XPC: variants seen among roughly 807,000 people sequenced by gnomAD.
XPC encodes XPC complex subunit, DNA damage recognition and repair factor, also known as DNA repair protein complementing XP-C cells.
XPC carries 76 observed loss-of-function variants against 95.8 expected under a neutral mutation model. The observed-to-expected ratio is 0.79, with a 90% CI of 0.66 to 0.96. XPC has a LOEUF of 0.96. XPC is among the 40% of genes least tolerant of loss of function. The probability of loss-of-function intolerance (pLI) is 0.00; values close to 1 mark genes in which losing one functional copy is unlikely to be tolerated. For synonymous variants in XPC, 442 were observed against 442.1 expected (o/e 1.00, Z 0.00); for missense variants, 1,146 against 1,179.8 (o/e 0.97, Z 0.42).
chr3:14,169,554 G>C (rs1696528351), intron 3 of XPC, among the ~76,000 whole-genome samples: 1 of 152,172 alleles, frequency 6.6e-6, no homozygotes, highest in Non-Finnish European at 1.5e-5. Context: ...TACAAGGCTT[G>C]GTTGGATCTT....
intron 13 of XPC, 75 bp from the exon 14 acceptor site, chr3:14,148,076 A>G: frequency 7.5e-7 from 1 of 1,327,724 alleles, no homozygotes; most frequent in Non-Finnish European, 1.0e-6. Flanking sequence ...CAGTTTGTGG[A>G]AGACAGTGGG....
At chr3:14,148,279 G>A (rs958073051) in intron 13 of XPC, 12 of 580,716 alleles carry the variant, frequency 2.1e-5, no homozygotes, top group South Asian at 1.1e-4. Flanking sequence ...GGCAGCTGCC[G>A]GGGAAAGATG....
At chr3:14,146,463 C>T (rs1024316190) in intron 15 of XPC, among the ~76,000 whole-genome samples, 2 of 152,132 alleles carry the variant, frequency 1.3e-5, no homozygotes, top group Non-Finnish European at 2.9e-5. Flanking sequence ...GCCTGTGATT[C>T]GTGCCTTGCA....
At chr3:14,177,449 T>G (rs909836648) in intron 1 of XPC, among the ~76,000 whole-genome samples, 2 of 152,062 alleles carry the variant, frequency 1.3e-5, no homozygotes, top group African/African-American at 4.8e-5. Flanking sequence ...AAATCAGCCC[T>G]GGTAAAAGCC....
Position 14,158,648 on chromosome 3 carries a change from G to A in XPC, c.1235C>T (p.Ala412Val). The A allele has an allele frequency of 6.2e-7, 1 of 1,613,892 alleles. No individual in the cohort carries two copies. The highest frequency in any genetic ancestry group is 1.1e-5 in the South Asian group (1 of 91,076). The change falls in exon 9 of 16, where the codon GCA becomes GTA. Residue 412 changes from alanine (A) to valine (V), a missense_variant. Ala to Val is a moderately conservative substitution (Grantham distance 64). Coordinates refer to ENST00000285021, the MANE Select transcript of XPC (RefSeq NM_004628.5). This position sits in a 1 kb window ranked among gnomAD's most constrained non-coding sequence, Gnocchi z 5.2. ...CCGGCCATGCGGACGTCGCTGGGTTGCCTTCTCCTGCTTGTCTCCTGGGCC... is the reference window on the plus strand; with the variant it reads ...CCGGCCATGCGGACGTCGCTGGGTTACCTTCTCCTGCTTGTCTCCTGGGCC... ...DEGPGDKQEKATQRRPHGRER... is the reference protein window; with the variant it reads ...DEGPGDKQEKVTQRRPHGRER...
chr3:14,148,362 C>T, intron 13 of XPC, 200 bp downstream of exon 13: 2 of 719,246 alleles, frequency 2.8e-6, no homozygotes, highest in Non-Finnish European at 2.2e-6. Context: ...CATTACGATG[C>T]CAGTTTCATT....
chr3:14,173,187 C>T (rs1390569439), intron 1 of XPC, 125 bp from the exon 2 acceptor site: 2 of 925,260 alleles, frequency 2.2e-6, no homozygotes, highest in East Asian at 2.9e-5. Flanking sequence ...CACTGGTTCA[C>T]CATCCCCTGT....
chr3:14,154,530 A>C (rs1163988989), intron 10 of XPC, among the ~76,000 whole-genome samples: 1 of 152,220 alleles, frequency 6.6e-6, no homozygotes, highest in Non-Finnish European at 1.5e-5. Flanking sequence ...TGCTAAGTGA[A>C]ATAAGCCAGT....
chr3:14,170,265 G>T (rs1696555183), intron 3 of XPC, among the ~76,000 whole-genome samples, 173 bp downstream of exon 3: 1 of 152,102 alleles, frequency 6.6e-6, no homozygotes, highest in Admixed American at 6.5e-5. Flanking sequence ...TTGGTAACTT[G>T]GCCATGAGTT....
Position 14,152,431 on chromosome 3 carries a change from C to T in XPC, c.2034-15G>A. The T allele has an allele frequency of 6.2e-7, 1 of 1,605,554 alleles. No homozygotes were observed. Among genetic ancestry groups the T allele is most frequent in the Non-Finnish European group, 8.5e-7 (1 of 1,176,048 alleles). On this transcript the variant is annotated splice_polypyrimidine_tract_variant and intron_variant, in intron 10 of 15. Coordinates refer to ENST00000285021, the MANE Select transcript of XPC (RefSeq NM_004628.5). ...GCACACAATCCCTGTGGAACCAACA[C>T]AGGACACAAAGGTAACTCAGTCCAC...
At chr3:14,168,717 A>T (rs1337527566) in intron 3 of XPC, among the ~76,000 whole-genome samples, 1 of 145,336 alleles carries the variant, frequency 6.9e-6, no homozygotes, top group Non-Finnish European at 1.5e-5. Flanking sequence ...AAAACTCTTT[A>T]AAAAAAAAAA....
intron 14 of XPC, 134 bp downstream of exon 14, chr3:14,147,774 G>A (rs1695500262): frequency 1.0e-5 from 8 of 768,726 alleles, no homozygotes; most frequent in South Asian, 5.1e-5. Flanking sequence ...TCGCTCCCTC[G>A]GGTGCCTGCC....
chr3:14,170,043 T>C (rs1053484301), intron 3 of XPC, among the ~76,000 whole-genome samples: 4 of 152,198 alleles, frequency 2.6e-5, no homozygotes, highest in African/African-American at 7.2e-5. Flanking sequence ...GTTTACAGAG[T>C]GTTACCAATG....
chr3:14,148,053 T>G, intron 13 of XPC, 52 bp from the exon 14 acceptor site: 1 of 1,462,328 alleles, frequency 6.8e-7, no homozygotes, highest in Non-Finnish European at 9.3e-7. Context: ...CTGCTCTGCC[T>G]CTCCTCCCTC....
At chr3:14,170,645 T>C (rs565072640) in intron 2 of XPC, 95 bp from the exon 3 acceptor site, 2 of 899,044 alleles carry the variant, frequency 2.2e-6, no homozygotes, top group African/African-American at 1.7e-5. Context: ...CTCCTATTTA[T>C]TGAGAATCTG....
chr3:14,151,029 G>A (rs1302231107), intron 11 of XPC, among the ~76,000 whole-genome samples: 1 of 152,118 alleles, frequency 6.6e-6, no homozygotes, highest in Non-Finnish European at 1.5e-5. Context: ...GGCTGGGAAG[G>A]AGGCTGTGGC....
intron 1 of XPC, among the ~76,000 whole-genome samples, chr3:14,177,288 G>A (rs927785794): frequency 1.1e-4 from 17 of 152,148 alleles, no homozygotes; most frequent in African/African-American, 3.6e-4. Context: ...TTTAAAGTAT[G>A]TCGGAGGATG....
chr3:14,166,897 G>A lies in XPC; in HGVS notation c.621+272C>T, dbSNP rs3731102. On this transcript the variant is annotated intron_variant, in intron 5 of 15. Transcript: ENST00000285021. Reference sequence around the variant, plus strand: ...GGATTAGAATTAATGACATTAAATGGCTGAAAGGAGAGATGGAAGGCAAGT... The same window carrying A: ...GGATTAGAATTAATGACATTAAATGACTGAAAGGAGAGATGGAAGGCAAGT... 0.021 allele frequency among the ~76,000 whole-genome samples: 3,179 copies of A among 152,318 alleles called. 47 individuals carry two copies. Among genetic ancestry groups the A allele is most frequent in the Middle Eastern group, 0.048 (14 of 294 alleles).
chr3:14,173,158 C>T, intron 1 of XPC, 96 bp from the exon 2 acceptor site: 3 of 1,211,716 alleles, frequency 2.5e-6, no homozygotes, highest in Non-Finnish European at 3.3e-6. Context: ...TATGACCTGT[C>T]TCCAAACCCC....
Sources: gnomAD v4.1 joint callset for allele counts (sites outside exome capture counted in the v4.1 genomes callset) on GRCh38, gnomAD v4.1.1 for gene constraint, Gnocchi (gnomAD v3.1) non-coding constraint, MANE v1.5 for transcripts, NCBI Gene and HGNC (gene_info 2026-07-23, HGNC 2026-07-21) for gene names.